The following LARGE1 variants were observed in gnomAD, a reference collection of about 807,000 sequenced individuals.
The protein encoded by LARGE1 is xylosyl- and glucuronyltransferase LARGE1.
LARGE1 carries 43 observed loss-of-function variants against 87.6 expected under a neutral mutation model. The observed-to-expected ratio is 0.49, with a 90% CI of 0.38 to 0.63. The LOEUF (loss-of-function observed/expected upper bound fraction) is 0.63. Ranked by LOEUF, LARGE1 falls within the 30% of genes least tolerant of loss-of-function variation. LARGE1 has a pLI of 0.00. For missense variants in LARGE1, 802 were observed against 1,000.2 expected, an observed-to-expected ratio of 0.80 and a Z score of 2.67; for synonymous variants, 434 against 394.6, an observed-to-expected ratio of 1.10 and a Z score of -1.18.
At chr22:33,320,648 A>G (rs908757870) in intron 10 of LARGE1, among the ~76,000 whole-genome samples, 2 of 152,236 alleles carry the variant, frequency 1.3e-5, no homozygotes, top group African/African-American at 4.8e-5. Context: ...TGTGAAGTTA[A>G]GACTATCCTT....
At chr22:33,448,758 G>A (rs990449498) in intron 6 of LARGE1, among the ~76,000 whole-genome samples, 6 of 152,154 alleles carry the variant, frequency 3.9e-5, no homozygotes, top group South Asian at 2.1e-4. Flanking sequence ...TTGAAGTACC[G>A]TACAACTCAA....
chr22:33,153,948 ATGT>A, the LARGE1 span, among the ~76,000 whole-genome samples: 1 of 152,096 alleles, frequency 6.6e-6, no homozygotes. Context: ...TTACACCAGG[ATGT>A]TGTTTAGGAA....
At chr22:33,859,664 G>C (rs1397415751) in intron 1 of LARGE1, among the ~76,000 whole-genome samples, 1 of 152,134 alleles carries the variant, frequency 6.6e-6, no homozygotes, top group South Asian at 2.1e-4. Flanking sequence ...TCTTGGTCTT[G>C]AATGATTAAC....
chr22:33,599,212 C>T (rs1008109479), intron 5 of LARGE1, among the ~76,000 whole-genome samples: 1 of 152,212 alleles, frequency 6.6e-6, no homozygotes, highest in Non-Finnish European at 1.5e-5. Flanking sequence ...TCAGCGTCAG[C>T]ACTTGTTAGC....
chr22:33,273,874 C>G lies in LARGE1; in HGVS notation c.*553G>C, dbSNP rs898525480. ...AAACCCATCAACCCCACCTCCAGGA[C>G]CCTCTGGTTACAATGTCCCCATTGG... On this transcript the variant is annotated 3_prime_UTR_variant, in exon 15 of 15. Transcript: ENST00000397394. 1.0e-5 allele frequency: 4 copies of G among 381,280 alleles called. No homozygotes were observed. The highest frequency in any genetic ancestry group is 1.9e-5 in the Non-Finnish European group (4 of 215,326). The allele number at this position is 381,280 out of a possible 1,614,324, so 23.6% of individuals were successfully genotyped here. A position where few individuals can be genotyped will look rare whatever the true frequency, so the allele number is the denominator to read the frequency against.
At chr22:33,371,194 T>C (rs2064797522) in intron 9 of LARGE1, among the ~76,000 whole-genome samples, 1 of 151,862 alleles carries the variant, frequency 6.6e-6, no homozygotes, top group African/African-American at 2.4e-5. Flanking sequence ...AAATTTTATT[T>C]TGATTGGCTT....
the LARGE1 span, among the ~76,000 whole-genome samples, chr22:33,071,895 C>G: frequency 6.6e-6 from 1 of 152,178 alleles, no homozygotes; most frequent in Non-Finnish European, 1.5e-5. Context: ...CCTGGCTGTT[C>G]CTGACTCTTC....
intron 10 of LARGE1, among the ~76,000 whole-genome samples, chr22:33,326,456 C>A (rs1172960460): frequency 6.6e-6 from 1 of 152,198 alleles, no homozygotes; most frequent in Non-Finnish European, 1.5e-5. Context: ...GGGGCCTTTG[C>A]CATCTGCCAC....
At chr22:33,893,028 T>A (rs5999129) in intron 1 of LARGE1, among the ~76,000 whole-genome samples, 2,362 of 152,322 alleles carry the variant, frequency 0.016, 70 homozygotes, top group African/African-American at 0.054. Context: ...AATTTTCATT[T>A]AACTATCTGG....
At position 33,644,182 on chromosome 22, in the gene LARGE1, A is replaced by G. The variant is rs142813167; in HGVS notation, c.408+6185T>C. 1.8e-3 allele frequency among the ~76,000 whole-genome samples: 273 copies of G among 152,340 alleles called. 1 individual carries two copies. The highest frequency in any genetic ancestry group is 6.2e-3 in the African/African-American group (259 of 41,572). On this transcript the variant is annotated intron_variant, in intron 3 of 14. Transcript: ENST00000397394. The stretch of plus-strand genomic sequence containing the variant: ...CCTCGGTAAAATACCGGCAAACCGA[A>G]TCCAGCAGCACATTAAAAAGCTTAT...
chr22:33,425,194 G>A (rs1017196515), intron 7 of LARGE1, among the ~76,000 whole-genome samples: 5 of 152,114 alleles, frequency 3.3e-5, no homozygotes, highest in Non-Finnish European at 7.4e-5. Flanking sequence ...CCCGGGAGGT[G>A]GAGGTTGCAG....
At chr22:33,825,063 A>C (rs2062740718) in intron 1 of LARGE1, among the ~76,000 whole-genome samples, 2 of 152,152 alleles carry the variant, frequency 1.3e-5, no homozygotes, top group African/African-American at 4.8e-5. Flanking sequence ...AAATGCTATG[A>C]TTTGTCATTC....
intron 6 of LARGE1, among the ~76,000 whole-genome samples, chr22:33,466,971 G>A (rs1332812239): frequency 6.6e-6 from 1 of 152,160 alleles, no homozygotes; most frequent in Non-Finnish European, 1.5e-5. Flanking sequence ...GAATCTGGGA[G>A]GTGGAGGTTG....
intron 6 of LARGE1, among the ~76,000 whole-genome samples, chr22:33,509,754 T>C (rs2070962978): frequency 6.6e-6 from 1 of 152,172 alleles, no homozygotes; most frequent in Non-Finnish European, 1.5e-5. Flanking sequence ...GTCCAAGATT[T>C]TATAAATGTT....
At chr22:33,265,146 C>T (rs1274176593) in intron 11 of LARGE1, among the ~76,000 whole-genome samples, 1 of 151,860 alleles carries the variant, frequency 6.6e-6, no homozygotes, top group Non-Finnish European at 1.5e-5. Context: ...CTCAGGTGAC[C>T]CTCCCATCTC....
intron 6 of LARGE1, among the ~76,000 whole-genome samples, chr22:33,555,238 A>G (rs2077640633): frequency 6.6e-6 from 1 of 152,164 alleles, no homozygotes; most frequent in Non-Finnish European, 1.5e-5. Flanking sequence ...CAGGGACTTG[A>G]GCATCTGCAG....
chr22:33,755,025 G>A (rs1311186078), intron 2 of LARGE1, among the ~76,000 whole-genome samples: 1 of 152,174 alleles, frequency 6.6e-6, no homozygotes, highest in Non-Finnish European at 1.5e-5. Context: ...AGTGCCCTGG[G>A]ATTCCCCCAT....
At chr22:33,080,241 A>G in the LARGE1 span, among the ~76,000 whole-genome samples, 1 of 152,224 alleles carries the variant, frequency 6.6e-6, no homozygotes, top group Non-Finnish European at 1.5e-5. Context: ...TGTTACTTGC[A>G]TCACCTCATT....
chr22:33,896,979 G>A (rs2065162190), intron 1 of LARGE1, among the ~76,000 whole-genome samples: 1 of 152,106 alleles, frequency 6.6e-6, no homozygotes, highest in Non-Finnish European at 1.5e-5. Context: ...ATGCTGCCCT[G>A]GAAAACAGTT....
Sources: allele counts gnomAD v4.1 joint callset (sites outside exome capture counted in the v4.1 genomes callset), GRCh38; gene constraint gnomAD v4.1.1; transcripts MANE v1.5; gene names NCBI Gene and HGNC (gene_info 2026-07-23, HGNC 2026-07-21).